The following PRR14L variants were observed in gnomAD, a reference collection of about 807,000 sequenced individuals.
The protein encoded by PRR14L is proline rich 14 like, also known as protein PRR14L.
PRR14L carries 80 observed loss-of-function variants against 155.0 expected under a neutral mutation model. The observed-to-expected ratio is 0.52, with a 90% CI of 0.43 to 0.62. The LOEUF is 0.62. Among genes scored for constraint, PRR14L ranks in the 20% least tolerant of loss-of-function variants. The pLI, the probability that PRR14L is intolerant of heterozygous loss-of-function variation, is 0.00. For synonymous variants in PRR14L, 883 were observed against 916.0 expected (o/e 0.96, Z 0.65); for missense variants, 2,469 against 2,548.0 (o/e 0.97, Z 0.67).
At position 31,714,266 on chromosome 22, in the gene PRR14L, T is replaced by C; in HGVS notation, c.3573A>G (p.Arg1191=). ...ATCCTTCAGTCATTTCTTGTGTTTC[T>C]CTGAGAGATGTTCCTTTATCTTGCT... is the stretch of plus-strand genomic sequence containing the variant. ...YGQQDKGTSL[R]ETQEMTEGSR... Residue 1191 remains arginine, a synonymous_variant, in exon 4 of 9, where the codon AGA becomes AGG. Transcript: ENST00000327423. The C allele has an allele frequency of 6.4e-7, 1 of 1,551,542 alleles. No individual in the cohort carries two copies. The highest frequency in any genetic ancestry group is 1.2e-5 in the South Asian group (1 of 83,924).
rs112331962 is a variant in PRR14L at position 31,713,319 on chromosome 22, T to G, written c.4520A>C (p.His1507Pro). 6.4e-7 allele frequency: 1 copy of G among 1,552,274 alleles called. No individual in the cohort carries two copies. The highest frequency in any genetic ancestry group is 8.7e-7 in the Non-Finnish European group (1 of 1,147,120). ...DPSSAGCDQI[H>P]GAFAKKGVLP... ...AACTCCTTTCTTCGCAAAGGCACCA[T>G]GTATTTGATCACACCCAGCAGAGGA... Residue 1507 changes from histidine to proline, a missense_variant, in exon 4 of 9, where the codon CAT becomes CCT. Physicochemically the swap from His to Pro is moderately conservative, Grantham distance 77 (BLOSUM62 -2). Transcript: ENST00000327423.
chr22:31,685,570 A>T lies in PRR14L; in HGVS notation c.6413T>A (p.Phe2138Tyr). 2.6e-6 allele frequency: 4 copies of T among 1,552,078 alleles called. No homozygotes were observed. The highest frequency in any genetic ancestry group is 3.5e-6 in the Non-Finnish European group (4 of 1,147,006). Reference protein sequence around the residue: ...LIQKLMELETFFAKEEEQEQS... With the variant: ...LIQKLMELETYFAKEEEQEQS... ...TTCCTGCTCCTCTTCCTTGGCAAAGAAGGTCTCCAGTTCCATTAGTTTCTG... is the reference window on the plus strand; with the variant it reads ...TTCCTGCTCCTCTTCCTTGGCAAAGTAGGTCTCCAGTTCCATTAGTTTCTG... The change falls in exon 9 of 9, where the codon TTC becomes TAC. Residue 2138 changes from phenylalanine to tyrosine, a missense_variant. Around this residue, in one of 2 missense-constraint regions of PRR14L, gnomAD observed 106 missense variants for 176.4 expected, o/e 0.60. Coordinates refer to ENST00000327423, the MANE Select transcript of PRR14L (RefSeq NM_173566.3).
chr22:31,686,954 A>G (rs1021010808), intron 8 of PRR14L, among the ~76,000 whole-genome samples: 1 of 152,210 alleles, frequency 6.6e-6, no homozygotes, highest in Non-Finnish European at 1.5e-5. Flanking sequence ...GTTTACAATC[A>G]TATCTGAAAA....
At chr22:31,708,782 C>T (rs774454616) in intron 4 of PRR14L, among the ~76,000 whole-genome samples, 1 of 152,160 alleles carries the variant, frequency 6.6e-6, no homozygotes, top group Non-Finnish European at 1.5e-5. Context: ...TGCACCACTA[C>T]ATCTGGCTAA....
At chr22:31,747,417 C>T (rs576097557) in intron 1 of PRR14L, among the ~76,000 whole-genome samples, 1 of 150,864 alleles carries the variant, frequency 6.6e-6, no homozygotes, top group African/African-American at 2.4e-5. Context: ...CCTGGCCTCT[C>T]CCAGCAGTCT....
intron 2 of PRR14L, among the ~76,000 whole-genome samples, 159 bp downstream of exon 2, chr22:31,738,228 A>C (rs62240515): frequency 0.12 from 17,614 of 152,214 alleles, 1,162 homozygotes; most frequent in African/African-American, 0.17. Context: ...GATGTGACAT[A>C]AATGTTTTAA....
At chr22:31,733,387 C>CTCCGCCTTCCACCT (rs131249) in intron 2 of PRR14L, among the ~76,000 whole-genome samples, 140,597 of 146,912 alleles carry the variant, frequency 0.96, 67,341 homozygotes, top group East Asian at 1. Flanking sequence ...TCACTGCAAC[C>CTCCGCCTTCCACCT]TCCGCCTTTG....
At chr22:31,691,122 C>G (rs926822731) in intron 7 of PRR14L, among the ~76,000 whole-genome samples, 1 of 151,592 alleles carries the variant, frequency 6.6e-6, no homozygotes, top group Non-Finnish European at 1.5e-5. Flanking sequence ...TACCACCACG[C>G]GCGGCTAATT....
At chr22:31,746,795 CTTTTTTTTTT>C (rs770907499) in intron 1 of PRR14L, among the ~76,000 whole-genome samples, 3 of 131,274 alleles carry the variant, frequency 2.3e-5, no homozygotes, top group Non-Finnish European at 4.9e-5. Flanking sequence ...TCCCAGCAGT[CTTTTTTTTTT>C]TTTTTTTTTG....
intron 3 of PRR14L, among the ~76,000 whole-genome samples, chr22:31,721,916 T>A (rs1184618569): frequency 6.6e-6 from 1 of 152,180 alleles, no homozygotes; most frequent in Admixed American, 6.5e-5. Context: ...AATAATGCAC[T>A]GAGGGGAGAG....
rs2074644192 is a variant in PRR14L, at chr22:31,714,653, A to G, written c.3186T>C (p.Asn1062=). The G allele has an allele frequency of 6.4e-7, 1 of 1,552,204 alleles. No individual in the cohort carries two copies. The highest frequency in any genetic ancestry group is 2.4e-5 in the East Asian group (1 of 40,928). Residue 1062 remains asparagine (N), a synonymous_variant, in exon 4 of 9, where the codon AAT becomes AAC. Transcript: ENST00000327423. ...CGTCCAGCACACCTTCTGCAAGCTT[A>G]TTACTACAGTCCGTGTAGACGATGT... ...MVDIVYTDCS[N]KLAEGVLDVK...
chr22:31,689,810 G>A (rs1450257669), intron 7 of PRR14L, among the ~76,000 whole-genome samples: 6 of 152,016 alleles, frequency 3.9e-5, no homozygotes, highest in Non-Finnish European at 8.8e-5. Flanking sequence ...GCAATGGCGC[G>A]ATCTCAGCTC....
chr22:31,709,468 C>T (rs1314679180), intron 4 of PRR14L, among the ~76,000 whole-genome samples: 5 of 151,546 alleles, frequency 3.3e-5, no homozygotes, highest in African/African-American at 1.2e-4. Flanking sequence ...GTCGGTCAGG[C>T]CCGCCTCGGC....
intron 4 of PRR14L, among the ~76,000 whole-genome samples, chr22:31,708,233 C>A (rs114031023): frequency 0.01 from 1,559 of 152,222 alleles, 24 homozygotes; most frequent in African/African-American, 0.036. Context: ...CAGCAATGTT[C>A]ATGTTCTGGG....
intron 1 of PRR14L, among the ~76,000 whole-genome samples, 164 bp downstream of exon 1, chr22:31,749,829 C>A (rs2074862655): frequency 6.6e-6 from 1 of 152,236 alleles, no homozygotes; most frequent in Admixed American, 6.5e-5. Flanking sequence ...CTCCCTCTCC[C>A]TGGGTCGTTC....
intron 2 of PRR14L, among the ~76,000 whole-genome samples, chr22:31,734,452 A>G (rs2074767745): frequency 6.6e-6 from 1 of 152,216 alleles, no homozygotes; most frequent in Non-Finnish European, 1.5e-5. Context: ...ATAAATTGAG[A>G]TCAGGGGATG....
chr22:31,738,855 C>T lies in PRR14L; in HGVS notation c.6G>A (p.Leu2=), dbSNP rs2074797492. M[L]SSGVETQPVP... ...CTGGCTGAGTCTCTACTCCAGATGACAGCATTAGGACAGATGCAGATTATG... is the reference window on the plus strand; with the variant it reads ...CTGGCTGAGTCTCTACTCCAGATGATAGCATTAGGACAGATGCAGATTATG... Residue 2 remains leucine, a synonymous_variant, in exon 2 of 9, where the codon CTG becomes CTA. Transcript: ENST00000327423. 1 of 1,534,594 alleles carries T rather than the reference C, an allele frequency of 6.5e-7. No homozygotes were observed. Among genetic ancestry groups the T allele is most frequent in the African/African-American group, 1.4e-5 (1 of 72,952 alleles).
chr22:31,746,478 C>A (rs1174300168), intron 1 of PRR14L, among the ~76,000 whole-genome samples: 1 of 152,170 alleles, frequency 6.6e-6, no homozygotes, highest in Non-Finnish European at 1.5e-5. Flanking sequence ...GGATTTACAG[C>A]TTAATCTTTG....
chr22:31,733,298 G>GTTTTTTTTTTTTT (rs1162819822), intron 2 of PRR14L, among the ~76,000 whole-genome samples: 1 of 64,032 alleles, frequency 1.6e-5, no homozygotes, highest in African/African-American at 7.4e-5. Flanking sequence ...CCTGGCCACT[G>GTTTTTTTTTTTTT]TTTTTTTTTT....
Sources: gnomAD v4.1 joint callset for allele counts (sites outside exome capture counted in the v4.1 genomes callset) on GRCh38, gnomAD v4.1.1 for gene constraint, gnomAD v4.1.1 regional missense constraint, MANE v1.5 for transcripts, NCBI Gene and HGNC (gene_info 2026-07-23, HGNC 2026-07-21) for gene names.